The following PTK2 variants were observed in gnomAD, a reference collection of about 807,000 sequenced individuals.
PTK2 encodes protein tyrosine kinase 2.
A neutral mutation model predicts 150.1 loss-of-function variants in PTK2; 45 were observed. That is an observed-to-expected ratio of 0.30 (90% confidence interval 0.24 to 0.38). The LOEUF is 0.38. Among genes scored for constraint, PTK2 ranks in the 10% least tolerant of loss-of-function variants. PTK2 has a pLI of 1.00. For synonymous variants in PTK2, 432 were observed against 449.2 expected (o/e 0.96, Z 0.48); for missense variants, 919 against 1,307.3 (o/e 0.70, Z 4.58).
intron 1 of PTK2, among the ~76,000 whole-genome samples, chr8:140,968,391 A>T (rs774777200): frequency 1.6e-4 from 25 of 152,214 alleles, no homozygotes; most frequent in Non-Finnish European, 3.5e-4. Flanking sequence ...CCCAAAAAAA[A>T]AATCGTTTTT....
chr8:140,753,226 A>G (rs1006200811), intron 16 of PTK2, among the ~76,000 whole-genome samples: 2 of 152,126 alleles, frequency 1.3e-5, no homozygotes, highest in Non-Finnish European at 2.9e-5. Context: ...GGAGGTGGAG[A>G]GAAGGGCTGA....
chr8:140,720,699 T>C (rs1326782337), intron 22 of PTK2, among the ~76,000 whole-genome samples: 7 of 152,190 alleles, frequency 4.6e-5, no homozygotes, highest in Admixed American at 6.5e-5. Flanking sequence ...CATCAGATAA[T>C]ATCCTGTGTA....
At chr8:140,899,161 T>C (rs764441498) in intron 2 of PTK2, among the ~76,000 whole-genome samples, 2 of 152,196 alleles carry the variant, frequency 1.3e-5, no homozygotes, top group Non-Finnish European at 2.9e-5. Context: ...CAATGTAACT[T>C]TGATACACTT....
intron 5 of PTK2, among the ~76,000 whole-genome samples, chr8:140,857,229 G>C (rs2100133242): frequency 6.6e-6 from 1 of 152,118 alleles, no homozygotes; most frequent in Non-Finnish European, 1.5e-5. Context: ...ACCTGGATCT[G>C]AACTCTGTCA....
intron 22 of PTK2, among the ~76,000 whole-genome samples, chr8:140,733,225 T>C (rs72681719): frequency 0.059 from 8,985 of 151,880 alleles, 385 homozygotes; most frequent in Non-Finnish European, 0.085. Context: ...CTGGAGGAAG[T>C]GAGGAGGAAG....
At chr8:140,659,575 T>C (rs1187668800) in exon 32 of PTK2, 3 of 1,614,012 alleles carry the variant, frequency 1.9e-6, no homozygotes, top group Non-Finnish European at 2.5e-6. Flanking sequence ...CATTTGCTTT[T>C]TGTACTCTTG....
At chr8:140,774,211 T>C (rs181046531) in intron 14 of PTK2, among the ~76,000 whole-genome samples, 34 of 152,338 alleles carry the variant, frequency 2.2e-4, no homozygotes, top group African/African-American at 7.7e-4. Context: ...GATTACTCCA[T>C]ACTGTGAGGG....
intron 1 of PTK2, among the ~76,000 whole-genome samples, chr8:140,987,382 T>C (rs371796005): frequency 3.9e-5 from 6 of 152,186 alleles, no homozygotes; most frequent in East Asian, 1.9e-4. Flanking sequence ...GTTTTCGTCA[T>C]GTTGGCCAGG....
chr8:140,738,963 G>T (rs80155775), intron 21 of PTK2, 55 bp downstream of exon 24: 93 of 1,125,126 alleles, frequency 8.3e-5, no homozygotes, highest in Middle Eastern at 3.0e-4. Context: ...ATTTTTTTTT[G>T]TATAACATAT....
At chr8:140,929,989 T>TCC (rs908206203) in intron 1 of PTK2, among the ~76,000 whole-genome samples, 29 of 152,268 alleles carry the variant, frequency 1.9e-4, no homozygotes, top group African/African-American at 6.3e-4. Context: ...CAGAGTCCCA[T>TCC]CCCATAAGGA....
At chr8:140,998,265 T>C (rs180694027) in intron 1 of PTK2, among the ~76,000 whole-genome samples, 376 of 152,292 alleles carry the variant, frequency 2.5e-3, no homozygotes, top group Non-Finnish European at 4.2e-3. Context: ...AACTGAAACT[T>C]TATAAACACT....
chr8:140,670,483 ACAACAACACACACACACAC>A lies in PTK2; in HGVS notation c.2710-2078_2710-2060del, dbSNP rs1382654836. ...AAAAAAAAAAAAAAAAAAAAAAAAAACAACAACACACACACACACACACACACACACACACACACACACA... is the reference window on the plus strand; with the variant it reads ...AAAAAAAAAAAAAAAAAAAAAAAAAAACACACACACACACACACACACACA... On this transcript the variant is annotated intron_variant, in intron 29 of 31. Coordinates refer to ENST00000522684, the Ensembl canonical transcript of PTK2. Among the ~76,000 whole-genome samples, 7 of 32,954 alleles carry A rather than the reference ACAACAACACACACACACAC, an allele frequency of 2.1e-4. 1 individual carries two copies. The highest frequency in any genetic ancestry group is 2.9e-4 in the Non-Finnish European group (4 of 13,672). The allele number at this position is 32,954 out of a possible 152,430, so 21.6% of individuals were successfully genotyped here. A position where few individuals can be genotyped will look rare whatever the true frequency, so the allele number is the denominator to read the frequency against.
At chr8:140,746,994 G>C (rs776805799) in intron 17 of PTK2, 134 bp from the exon 21 acceptor site, 1 of 600,682 alleles carries the variant, frequency 1.7e-6, no homozygotes, top group African/African-American at 1.9e-5. Flanking sequence ...GGGTTCAAGT[G>C]ATTCTCCTGC....
At chr8:140,722,568 CCT>C (rs1442748683) in intron 22 of PTK2, among the ~76,000 whole-genome samples, 6 of 152,268 alleles carry the variant, frequency 3.9e-5, no homozygotes, top group Non-Finnish European at 4.4e-5. Flanking sequence ...ATGCCCAGCC[CCT>C]GTTCTCTCAA....
intron 22 of PTK2, chr8:140,718,668 A>C (rs1049166085): frequency 2.6e-5 from 4 of 152,124 alleles, no homozygotes; most frequent in African/African-American, 9.7e-5. Context: ...CAGACTTTCT[A>C]ATCTGGGAAT....
intron 10 of PTK2, among the ~76,000 whole-genome samples, chr8:140,807,546 T>C (rs186383779): frequency 1.5e-4 from 23 of 152,212 alleles, no homozygotes; most frequent in Admixed American, 1.0e-3. Flanking sequence ...ATCTGAGATG[T>C]GCTGTTCAAC....
intron 23 of PTK2, among the ~76,000 whole-genome samples, chr8:140,714,376 T>C (rs983247903): frequency 8.6e-5 from 13 of 151,768 alleles, no homozygotes; most frequent in African/African-American, 3.1e-4. Context: ...TAAGTGGCTC[T>C]GGAGGCCGAA....
intron 1 of PTK2, among the ~76,000 whole-genome samples, chr8:140,999,336 G>T (rs1269351835): frequency 6.6e-6 from 1 of 152,188 alleles, no homozygotes; most frequent in Non-Finnish European, 1.5e-5. Flanking sequence ...TATTAAACTA[G>T]ATTATTTGAT....
intron 23 of PTK2, among the ~76,000 whole-genome samples, chr8:140,709,177 G>C (rs2100035437): frequency 6.6e-6 from 1 of 152,150 alleles, no homozygotes; most frequent in Non-Finnish European, 1.5e-5. Context: ...ACTGTGCCAT[G>C]ATGCTATTCT....
Sources: allele counts gnomAD v4.1 joint callset (sites outside exome capture counted in the v4.1 genomes callset), GRCh38; gene constraint gnomAD v4.1.1; transcripts MANE v1.5; gene names NCBI Gene and HGNC (gene_info 2026-07-23, HGNC 2026-07-21).